Variants in WWOX observed in about 807,000 individuals in gnomAD.
WWOX encodes the protein WW domain-containing oxidoreductase.
In WWOX, 69 loss-of-function variants were observed where a neutral mutation model predicts 46.2. The ratio of observed to expected loss-of-function variants is 1.49; its 90% CI spans 1.23 to 1.82. The LOEUF (loss-of-function observed/expected upper bound fraction) is 1.82, where lower values mean the gene tolerates loss of function less well. Ranked by LOEUF, WWOX falls within the 40% of genes most tolerant of loss-of-function variation. The probability of loss-of-function intolerance (pLI) is 0.00; values close to 1 mark genes in which losing one functional copy is unlikely to be tolerated. For synonymous variants in WWOX, 359 were observed against 202.6 expected (o/e 1.77, Z -6.56); for missense variants, 919 against 542.6 (o/e 1.69, Z -6.89).
intron 5 of WWOX, among the ~76,000 whole-genome samples, chr16:78,174,209 C>G (rs963473287): frequency 1.3e-5 from 2 of 152,180 alleles, no homozygotes; most frequent in African/African-American, 4.8e-5. Context: ...TTCCACATGG[C>G]TGGGGAGGCT....
intron 4 of WWOX, among the ~76,000 whole-genome samples, chr16:78,138,908 A>G (rs1343770613): frequency 4.6e-5 from 7 of 152,114 alleles, no homozygotes; most frequent in African/African-American, 1.7e-4. Flanking sequence ...TGTTCCCCCC[A>G]TGCAACTGTT....
At chr16:78,942,350 T>G (rs2045868652) in intron 8 of WWOX, among the ~76,000 whole-genome samples, 1 of 152,138 alleles carries the variant, frequency 6.6e-6, no homozygotes, top group African/African-American at 2.4e-5. Flanking sequence ...GTCAAGAACC[T>G]CTAGCGCAGC....
chr16:78,272,505 C>T (rs1056066802), intron 5 of WWOX, among the ~76,000 whole-genome samples: 4 of 152,176 alleles, frequency 2.6e-5, no homozygotes, highest in African/African-American at 9.7e-5. Context: ...ACAAAACCCA[C>T]TCAGATTCAA....
intron 8 of WWOX, among the ~76,000 whole-genome samples, chr16:78,583,423 CA>C (rs1198559726): frequency 6.6e-6 from 1 of 152,158 alleles, no homozygotes; most frequent in Non-Finnish European, 1.5e-5. Context: ...GTGGTATCTT[CA>C]AAGGAATTTA....
At chr16:79,086,505 G>T (rs919259920) in intron 8 of WWOX, among the ~76,000 whole-genome samples, 2 of 152,202 alleles carry the variant, frequency 1.3e-5, no homozygotes, top group Non-Finnish European at 2.9e-5. Flanking sequence ...GACTTTGTCA[G>T]TACAGTACTA....
intron 8 of WWOX, among the ~76,000 whole-genome samples, chr16:78,683,809 A>G (rs978676452): frequency 1.3e-5 from 2 of 152,152 alleles, no homozygotes; most frequent in African/African-American, 4.8e-5. Context: ...TCACTCATCA[A>G]GATGTATGTA....
chr16:79,180,088 A>G (rs1013477876), intron 8 of WWOX, among the ~76,000 whole-genome samples: 1 of 152,090 alleles, frequency 6.6e-6, no homozygotes, highest in Non-Finnish European at 1.5e-5. Context: ...ACTTTTGCCC[A>G]GTTCAACAAG....
intron 5 of WWOX, among the ~76,000 whole-genome samples, chr16:78,356,071 T>TAAAAAAAAAACAAAA (rs2081280420): frequency 1.3e-5 from 1 of 76,124 alleles, no homozygotes. Context: ...TTTTTTTTCC[T>TAAAAAAAAAACAAAA]AAAAAAAAAA....
At chr16:78,564,892 C>G (rs1172287548) in intron 8 of WWOX, among the ~76,000 whole-genome samples, 1 of 152,046 alleles carries the variant, frequency 6.6e-6, no homozygotes, top group Non-Finnish European at 1.5e-5. Flanking sequence ...CTTGACTCTT[C>G]TCTAGTTTTT....
At chr16:78,868,361 G>A (rs993578626) in intron 8 of WWOX, among the ~76,000 whole-genome samples, 1 of 152,092 alleles carries the variant, frequency 6.6e-6, no homozygotes, top group African/African-American at 2.4e-5. Flanking sequence ...AATGATGGTT[G>A]CCTGGGGCTG....
intron 8 of WWOX, among the ~76,000 whole-genome samples, chr16:79,136,545 G>A (rs961970272): frequency 6.6e-6 from 1 of 152,118 alleles, no homozygotes; most frequent in African/African-American, 2.4e-5. Flanking sequence ...TCACTTCTTA[G>A]GCTAATTTCT....
chr16:78,735,925 C>T (rs188907542), intron 8 of WWOX, among the ~76,000 whole-genome samples: 1 of 152,122 alleles, frequency 6.6e-6, no homozygotes, highest in Non-Finnish European at 1.5e-5. Flanking sequence ...CTCTTTCTCT[C>T]ACCTCCGAAT....
chr16:78,607,041 C>G (rs2045776763), intron 8 of WWOX, among the ~76,000 whole-genome samples: 1 of 152,088 alleles, frequency 6.6e-6, no homozygotes, highest in South Asian at 2.1e-4. Context: ...GAGTTCCCCA[C>G]TTCTCAGAAC....
At chr16:78,485,515 C>A (rs1337555589) in intron 8 of WWOX, among the ~76,000 whole-genome samples, 3 of 152,206 alleles carry the variant, frequency 2.0e-5, no homozygotes, top group Non-Finnish European at 4.4e-5. Context: ...TTCTACTGCA[C>A]CAACTCCCCT....
Position 78,985,412 on chromosome 16 carries a change from A to ACCCC in WWOX, c.1057-226196_1057-226195insCCCC, listed in dbSNP as rs1356322636. 5.4e-3 allele frequency among the ~76,000 whole-genome samples: 827 copies of ACCCC among 152,302 alleles called. 13 individuals are homozygous for ACCCC. Among genetic ancestry groups the ACCCC allele is most frequent in the African/African-American group, 0.019 (781 of 41,572 alleles). ...CAGTGTCAGGGTCCCCGTGCCATGA[A>ACCCC]TCACTTCACATCTCTGGCTAGTACA... On this transcript the variant is annotated intron_variant, in intron 8 of 8. Coordinates refer to ENST00000566780, the MANE Select transcript of WWOX (RefSeq NM_016373.4).
At chr16:78,562,114 T>A (rs927234722) in intron 8 of WWOX, among the ~76,000 whole-genome samples, 4 of 152,192 alleles carry the variant, frequency 2.6e-5, no homozygotes, top group Non-Finnish European at 5.9e-5. Flanking sequence ...GATAGAGTTA[T>A]CCAAACAAAT....
chr16:78,433,979 C>CG (rs1174956098), intron 8 of WWOX, among the ~76,000 whole-genome samples: 5 of 151,506 alleles, frequency 3.3e-5, no homozygotes, highest in Admixed American at 1.3e-4. Context: ...TTAGTAGAGA[C>CG]GGGGTTTCAC....
At chr16:79,038,680 G>A (rs1019472214) in intron 8 of WWOX, among the ~76,000 whole-genome samples, 3 of 152,082 alleles carry the variant, frequency 2.0e-5, no homozygotes, top group Non-Finnish European at 4.4e-5. Flanking sequence ...CTCCCAAGTA[G>A]CTGGGATTAC....
intron 8 of WWOX, chr16:79,016,518 G>A (rs1036001218): frequency 6.6e-6 from 1 of 152,368 alleles, no homozygotes; most frequent in Non-Finnish European, 1.5e-5. Flanking sequence ...TGCCTCCTGG[G>A]TTCAAGCGAT....
Sources: gnomAD v4.1 joint callset for allele counts (sites outside exome capture counted in the v4.1 genomes callset) on GRCh38, gnomAD v4.1.1 for gene constraint, MANE v1.5 for transcripts, NCBI Gene and HGNC (gene_info 2026-07-23, HGNC 2026-07-21) for gene names.